Variants in NUP160 observed in about 807,000 individuals in gnomAD.
NUP160 encodes the protein nuclear pore complex protein Nup160.
A neutral mutation model predicts 196.9 loss-of-function variants in NUP160; 94 were observed. The ratio of observed to expected loss-of-function variants is 0.48; its 90% CI spans 0.40 to 0.57. The LOEUF (loss-of-function observed/expected upper bound fraction) is 0.57, where lower values mean the gene tolerates loss of function less well. Among genes scored for constraint, NUP160 ranks in the 20% least tolerant of loss-of-function variants. The probability of loss-of-function intolerance (pLI) is 0.00; values close to 1 mark genes in which losing one functional copy is unlikely to be tolerated. For synonymous variants in NUP160, 605 were observed against 619.7 expected, an observed-to-expected ratio of 0.98 and a Z score of 0.35; for missense variants, 1,638 against 1,748.3, an observed-to-expected ratio of 0.94 and a Z score of 1.13.
At chr11:47,811,541 C>T (rs1273805750) in intron 17 of NUP160, among the ~76,000 whole-genome samples, 1 of 151,874 alleles carries the variant, frequency 6.6e-6, no homozygotes, top group Non-Finnish European at 1.5e-5. Flanking sequence ...TTTCTTCCTC[C>T]ATACTAAAGG....
At chr11:47,792,917 G>T (rs750080321) in exon 28 of NUP160, 19 of 1,613,464 alleles carry the variant, frequency 1.2e-5, no homozygotes, top group Non-Finnish European at 1.4e-5. Context: ...CTGCCAAGCC[G>T]CATTCCATAC....
chr11:47,848,121 G>C (rs1761075381), intron 1 of NUP160, 98 bp downstream of exon 1: 1 of 1,414,582 alleles, frequency 7.1e-7, no homozygotes, highest in African/African-American at 1.4e-5. Context: ...GAGGCATGTG[G>C]ACTCAGGAGG....
chr11:47,839,942 A>T (rs1372300152), exon 4 of NUP160: 8 of 1,614,056 alleles, frequency 5.0e-6, no homozygotes, highest in Non-Finnish European at 6.8e-6. Context: ...CAGGCTGTAG[A>T]GGCGGTGGAA....
exon 17 of NUP160, chr11:47,812,206 C>A (rs778151133): frequency 1.2e-6 from 2 of 1,613,960 alleles, no homozygotes; most frequent in Admixed American, 1.7e-5. Context: ...AAGATTCATT[C>A]GAATATTCAA....
chr11:47,809,055 C>T (rs557802398), intron 17 of NUP160, among the ~76,000 whole-genome samples: 17 of 151,370 alleles, frequency 1.1e-4, no homozygotes, highest in Non-Finnish European at 2.2e-4. Flanking sequence ...GAGCTGAGAT[C>T]GCGCCACTGC....
chr11:47,836,875 T>C lies in NUP160; in HGVS notation c.942+12A>G. 1 of 1,459,052 alleles carries C rather than the reference T, an allele frequency of 6.9e-7. No individual in the cohort carries two copies. Among genetic ancestry groups the C allele is most frequent in the East Asian group, 2.3e-5 (1 of 44,176 alleles). 90.4% of individuals were successfully genotyped at this position (1,459,052 alleles called of 1,614,324 possible). ...TGTTTTAACTTACAGCAACTATAAA[T>C]GTAGCACTTACCTTGTAAGACCACA... On this transcript the variant is annotated intron_variant, in intron 6 of 35. Transcript: ENST00000378460.
chr11:47,840,272 C>A (rs753537018), intron 3 of NUP160, 106 bp downstream of exon 3: 1 of 1,035,706 alleles, frequency 9.7e-7, no homozygotes, highest in African/African-American at 1.6e-5. Flanking sequence ...TGAGGGATAA[C>A]GAGAATCCAA....
chr11:47,808,590 T>A (rs2097679142), intron 17 of NUP160, 61 bp from the exon 18 acceptor site: 7 of 1,401,810 alleles, frequency 5.0e-6, no homozygotes, highest in Admixed American at 3.7e-5. Flanking sequence ...TGGTAACTCT[T>A]ACGGCTCAGG....
intron 7 of NUP160, among the ~76,000 whole-genome samples, chr11:47,824,388 G>A (rs1427237921): frequency 5.9e-5 from 9 of 151,880 alleles, no homozygotes; most frequent in Non-Finnish European, 1.2e-4. Context: ...GGTGGATCAT[G>A]AGGTCAGGAG....
exon 16 of NUP160, chr11:47,812,370 G>T: frequency 1.2e-6 from 2 of 1,613,408 alleles, no homozygotes; most frequent in Non-Finnish European, 1.7e-6. Flanking sequence ...TAGTCCAATT[G>T]CATGGATTGG....
intron 31 of NUP160, among the ~76,000 whole-genome samples, chr11:47,787,740 CAG>C (rs1048047523): frequency 4.6e-4 from 70 of 151,134 alleles, no homozygotes; most frequent in Non-Finnish European, 3.2e-4. Context: ...TTTTTTGAGA[CAG>C]AGTCTCGCTC....
chr11:47,781,664 G>A (rs2097660929), intron 34 of NUP160, among the ~76,000 whole-genome samples: 1 of 152,110 alleles, frequency 6.6e-6, no homozygotes, highest in Non-Finnish European at 1.5e-5. Flanking sequence ...CTCTGAGCCT[G>A]TTCCCTCATG....
chr11:47,848,144 G>A (rs1372018415), intron 1 of NUP160, 75 bp downstream of exon 1: 4 of 1,532,550 alleles, frequency 2.6e-6, no homozygotes, highest in African/African-American at 2.7e-5. Flanking sequence ...GAAACAGGGC[G>A]TCAGGGACCC....
At chr11:47,824,377 A>C (rs1851925602) in intron 7 of NUP160, among the ~76,000 whole-genome samples, 1 of 151,862 alleles carries the variant, frequency 6.6e-6, no homozygotes, top group South Asian at 2.1e-4. Flanking sequence ...AGGCCGAGAC[A>C]GGTGGATCAT....
chr11:47,806,168 T>C (rs1278824128), exon 20 of NUP160: 2 of 1,613,918 alleles, frequency 1.2e-6, no homozygotes, highest in East Asian at 4.5e-5. Flanking sequence ...CTGCAATAAA[T>C]AACTGGTAAT....
intron 7 of NUP160, among the ~76,000 whole-genome samples, chr11:47,832,951 C>T (rs1852105102): frequency 6.6e-6 from 1 of 152,028 alleles, no homozygotes; most frequent in African/African-American, 2.4e-5. Context: ...TTTATAGAGA[C>T]AGAAAATAGA....
chr11:47,824,796 G>A (rs550043295), intron 7 of NUP160, among the ~76,000 whole-genome samples: 40 of 146,916 alleles, frequency 2.7e-4, no homozygotes, highest in African/African-American at 8.8e-4. Context: ...TGTTCTACCC[G>A]ACCCAGCTTT....
rs904243482 is a variant in NUP160, at chr11:47,795,980, C to T, written c.3289+1799G>A. 2.6e-5 allele frequency among the ~76,000 whole-genome samples: 4 copies of T among 151,826 alleles called. No homozygotes were observed. In the South Asian group the frequency reaches 8.3e-4, roughly 32 times the overall value. ...CAGCCTGACCAACATGGTGAAACCCCGTCTCTACTAAAAATATAAAAAAAT... is the reference window on the plus strand; with the variant it reads ...CAGCCTGACCAACATGGTGAAACCCTGTCTCTACTAAAAATATAAAAAAAT... On this transcript the variant is annotated intron_variant, in intron 27 of 35. Coordinates refer to ENST00000378460, the Ensembl canonical transcript of NUP160.
chr11:47,784,915 C>T lies in NUP160; in HGVS notation c.3990+7G>A, dbSNP rs371080808. 1.5e-5 allele frequency: 24 copies of T among 1,572,590 alleles called. No individual in the cohort carries two copies. The highest frequency in any genetic ancestry group is 9.2e-5 in the East Asian group (4 of 43,292). The stretch of plus-strand genomic sequence containing the variant: ...TTCTTACTCTGTACAAGTTATAATC[C>T]GTTTACCTTGTAACTGTTTATAAGC... On this transcript the variant is annotated splice_region_variant and intron_variant, in intron 33 of 35. Coordinates refer to ENST00000378460, the Ensembl canonical transcript of NUP160.
Sources: allele counts gnomAD v4.1 joint callset (sites outside exome capture counted in the v4.1 genomes callset), GRCh38; gene constraint gnomAD v4.1.1; transcripts MANE v1.5; gene names NCBI Gene and HGNC (gene_info 2026-07-23, HGNC 2026-07-21).